KDM2B: variants seen among roughly 807,000 people sequenced by gnomAD.
KDM2B encodes lysine-specific demethylase 2B.
Under a neutral mutation model 150.0 loss-of-function variants are expected in KDM2B, and 26 were observed. That is an observed-to-expected ratio of 0.17 (90% CI 0.13 to 0.24). The LOEUF (loss-of-function observed/expected upper bound fraction) is 0.24, where lower values mean the gene tolerates loss of function less well. Ranked by LOEUF, KDM2B falls within the 10% of genes least tolerant of loss-of-function variation. The probability of loss-of-function intolerance (pLI) is 1.00; values close to 1 mark genes in which losing one functional copy is unlikely to be tolerated. For missense variants in KDM2B, 1,265 were observed against 1,816.9 expected, an observed-to-expected ratio of 0.70 and a Z score of 5.52; for synonymous variants, 734 against 729.5, an observed-to-expected ratio of 1.01 and a Z score of -0.10.
At chr12:121,538,483 C>T (rs1256727886) in intron 6 of KDM2B, among the ~76,000 whole-genome samples, 2 of 152,144 alleles carry the variant, frequency 1.3e-5, no homozygotes, top group Non-Finnish European at 2.9e-5. Flanking sequence ...GAACAGCATC[C>T]TCACTGCTCG....
intron 3 of KDM2B, 64 bp from the exon 4 acceptor site, chr12:121,574,657 G>C: frequency 6.8e-7 from 1 of 1,479,724 alleles, no homozygotes; most frequent in Non-Finnish European, 9.4e-7. Flanking sequence ...GACTACCCTG[G>C]GCCCGGGGGG....
At chr12:121,529,840 G>A (rs957468847) in intron 8 of KDM2B, among the ~76,000 whole-genome samples, 9 of 151,340 alleles carry the variant, frequency 5.9e-5, no homozygotes, top group African/African-American at 2.2e-4. Flanking sequence ...TGAGGCAGGA[G>A]AATCGCTTGA....
intron 8 of KDM2B, among the ~76,000 whole-genome samples, chr12:121,529,886 C>T (rs1242389721): frequency 6.8e-6 from 1 of 147,044 alleles, no homozygotes; most frequent in Non-Finnish European, 1.5e-5. Context: ...GCCAAGATTG[C>T]ACCACCATGC....
At chr12:121,525,049 G>A (rs1021403982) in intron 8 of KDM2B, among the ~76,000 whole-genome samples, 2 of 152,074 alleles carry the variant, frequency 1.3e-5, no homozygotes, top group African/African-American at 4.8e-5. Context: ...ACTGGGCAAG[G>A]GACACCTCAC....
intron 8 of KDM2B, among the ~76,000 whole-genome samples, chr12:121,525,541 G>A (rs775112171): frequency 1.3e-5 from 2 of 152,092 alleles, no homozygotes; most frequent in East Asian, 1.9e-4. Context: ...GTGAGCCACC[G>A]TGCCACGCCA....
At chr12:121,489,876 G>C (rs559801752) in intron 12 of KDM2B, among the ~76,000 whole-genome samples, 1 of 152,330 alleles carries the variant, frequency 6.6e-6, no homozygotes, top group South Asian at 2.1e-4. Context: ...CCTGGGGACT[G>C]GTCCTCATTA....
chr12:121,438,855 TC>T (rs1484052064), intron 22 of KDM2B, among the ~76,000 whole-genome samples: 2 of 151,980 alleles, frequency 1.3e-5, no homozygotes, highest in Non-Finnish European at 2.9e-5. Context: ...ACCTGTAGTT[TC>T]TTTTTCTCTT....
intron 22 of KDM2B, among the ~76,000 whole-genome samples, chr12:121,438,762 A>G (rs1874437904): frequency 6.6e-6 from 1 of 151,898 alleles, no homozygotes; most frequent in African/African-American, 2.4e-5. Flanking sequence ...GTATGTCACC[A>G]CTGCGCTGTG....
At chr12:121,431,883 T>C (rs1209037031) in intron 22 of KDM2B, among the ~76,000 whole-genome samples, 2 of 147,654 alleles carry the variant, frequency 1.4e-5, no homozygotes, top group Non-Finnish European at 3.0e-5. Flanking sequence ...TTTTTTCTTT[T>C]TTTTTTTTTT....
At chr12:121,536,470 C>G (rs28695935) in intron 6 of KDM2B, among the ~76,000 whole-genome samples, 1 of 152,204 alleles carries the variant, frequency 6.6e-6, no homozygotes, top group South Asian at 2.1e-4. Flanking sequence ...CCACACCGTC[C>G]TCACCTGTAG....
chr12:121,494,936 A>G (rs1883752424), intron 11 of KDM2B, among the ~76,000 whole-genome samples: 1 of 151,786 alleles, frequency 6.6e-6, no homozygotes, highest in Non-Finnish European at 1.5e-5. Context: ...TGTATCACCC[A>G]TGATCACAGT....
chr12:121,580,174 G>GCCGA (rs1891853084), intron 1 of KDM2B: 2 of 1,302,928 alleles, frequency 1.5e-6, no homozygotes, highest in Admixed American at 6.0e-5. Context: ...GCAAGCCAGA[G>GCCGA]CCGAGATCTA....
chr12:121,544,061 C>T (rs1003329688), intron 6 of KDM2B, among the ~76,000 whole-genome samples: 14 of 148,124 alleles, frequency 9.5e-5, no homozygotes, highest in Non-Finnish European at 2.1e-4. Flanking sequence ...GTTGCAACGA[C>T]CCACAATTGC....
At chr12:121,418,107 A>G in the KDM2B span, 4 of 614,062 alleles carry the variant, frequency 6.5e-6, no homozygotes, top group Non-Finnish European at 1.1e-5. Flanking sequence ...GTGGCTCCAA[A>G]GTCTGCTGTC....
intron 12 of KDM2B, among the ~76,000 whole-genome samples, chr12:121,466,925 G>A (rs1487280537): frequency 6.8e-6 from 1 of 147,358 alleles, no homozygotes; most frequent in African/African-American, 2.4e-5. Context: ...GTGCCCGATG[G>A]CCCCCAGTGC....
chr12:121,483,984 G>A (rs1484900963), intron 12 of KDM2B, among the ~76,000 whole-genome samples: 1 of 152,120 alleles, frequency 6.6e-6, no homozygotes, highest in African/African-American at 2.4e-5. Context: ...GGCAAGGGGA[G>A]GGAACAGTGA....
In KDM2B at chr12:121,453,465, C is replaced by T; in HGVS notation, c.1735-121G>A. 1.4e-6 allele frequency: 1 copy of T among 702,120 alleles called. No individual in the cohort carries two copies. Among genetic ancestry groups the T allele is most frequent in the Non-Finnish European group, 2.3e-6 (1 of 425,880 alleles). The allele number at this position is 702,120 out of a possible 1,614,324, so 43.5% of individuals were successfully genotyped here. ...AAAGACACGATGGGGGCTCTAAACCCCATTCCTCAGAGTGTGATCTTTATT... is the reference window on the plus strand; with the variant it reads ...AAAGACACGATGGGGGCTCTAAACCTCATTCCTCAGAGTGTGATCTTTATT... On this transcript the variant is annotated intron_variant, in intron 12 of 22. Transcript: ENST00000377071. This position sits in a 1 kb window ranked among gnomAD's most constrained non-coding sequence, Gnocchi z 6.4.
upstream of KDM2B, chr12:121,581,066 C>A (rs1891939333): frequency 2.0e-6 from 2 of 976,972 alleles, no homozygotes; most frequent in Admixed American, 3.2e-5. Context: ...CCGCAGCTGA[C>A]CGGAAGACGT....
intron 12 of KDM2B, chr12:121,494,025 T>G (rs1363724155): frequency 6.5e-6 from 1 of 154,216 alleles, no homozygotes; most frequent in Non-Finnish European, 1.4e-5. Flanking sequence ...ATGCTCGCAT[T>G]TTTTGTATTT....
Sources: gnomAD v4.1 joint callset for allele counts (sites outside exome capture counted in the v4.1 genomes callset) on GRCh38, gnomAD v4.1.1 for gene constraint, Gnocchi (gnomAD v3.1) non-coding constraint, MANE v1.5 for transcripts, NCBI Gene and HGNC (gene_info 2026-07-23, HGNC 2026-07-21) for gene names.